Variants in WWOX observed in about 807,000 individuals in gnomAD.
The protein encoded by WWOX is WW domain containing oxidoreductase.
WWOX carries 69 observed loss-of-function variants against 46.2 expected under a neutral mutation model. That is an observed-to-expected ratio of 1.49 (90% confidence interval 1.23 to 1.82). The LOEUF is 1.82. Among genes scored for constraint, WWOX ranks in the 40% most tolerant of loss-of-function variants. The probability of loss-of-function intolerance (pLI) is 0.00; values close to 1 mark genes in which losing one functional copy is unlikely to be tolerated. For missense variants in WWOX, 919 were observed against 542.6 expected, an observed-to-expected ratio of 1.69 and a Z score of -6.89; for synonymous variants, 359 against 202.6, an observed-to-expected ratio of 1.77 and a Z score of -6.56.
intron 8 of WWOX, among the ~76,000 whole-genome samples, chr16:78,632,067 C>G (rs2046446117): frequency 6.6e-6 from 1 of 152,002 alleles, no homozygotes; most frequent in African/African-American, 2.4e-5. Flanking sequence ...TCCATGAAAT[C>G]CAGAAACTGG....
intron 6 of WWOX, among the ~76,000 whole-genome samples, chr16:78,395,309 C>A (rs555128406): frequency 6.6e-6 from 1 of 152,090 alleles, no homozygotes; most frequent in East Asian, 1.9e-4. Context: ...GCTTGAGTTC[C>A]GGAGTTTGAG....
intron 5 of WWOX, among the ~76,000 whole-genome samples, chr16:78,256,554 G>C (rs2038137734): frequency 6.6e-6 from 1 of 151,528 alleles, no homozygotes; most frequent in African/African-American, 2.4e-5. Context: ...ACCCTCTCCT[G>C]GCCTCAATTA....
chr16:78,278,127 G>A (rs915774876), intron 5 of WWOX, among the ~76,000 whole-genome samples: 5 of 152,144 alleles, frequency 3.3e-5, no homozygotes, highest in African/African-American at 1.2e-4. Context: ...CTCATTGGCG[G>A]TTTGCTGGTA....
rs550685961 is a variant in WWOX at position 78,853,763 on chromosome 16, C to T, written c.1057-357845C>T. On this transcript the variant is annotated intron_variant, in intron 8 of 8. Transcript: ENST00000566780. ...CCAGCTTGTAAGCATGTATCTACATCCCAGGGAGGTTTTCACTGAACCAAG... is the reference window on the plus strand; with the variant it reads ...CCAGCTTGTAAGCATGTATCTACATTCCAGGGAGGTTTTCACTGAACCAAG... 5.3e-5 allele frequency among the ~76,000 whole-genome samples: 8 copies of T among 152,174 alleles called. No individual in the cohort carries two copies. In the South Asian group the frequency reaches 1.2e-3, roughly 24 times the overall value.
chr16:78,573,386 T>TTAGCCATTTTGA (rs1201778872), intron 8 of WWOX, among the ~76,000 whole-genome samples: 4 of 152,242 alleles, frequency 2.6e-5, no homozygotes, highest in Non-Finnish European at 5.9e-5. Context: ...TTTTTTCTTC[T>TTAGCCATTTTGA]TAGCCATTTT....
intron 5 of WWOX, among the ~76,000 whole-genome samples, chr16:78,294,636 T>G (rs1170981356): frequency 1.4e-5 from 2 of 143,834 alleles, no homozygotes; most frequent in East Asian, 4.5e-4. Context: ...AAGGATAGTC[T>G]AAATACAGCT....
intron 8 of WWOX, among the ~76,000 whole-genome samples, chr16:79,177,281 A>G (rs1234744625): frequency 1.3e-5 from 2 of 152,062 alleles, no homozygotes; most frequent in Non-Finnish European, 2.9e-5. Context: ...TTTCTACACC[A>G]TTTATTCCTC....
At chr16:78,646,658 C>T (rs1434308884) in intron 8 of WWOX, among the ~76,000 whole-genome samples, 2 of 152,190 alleles carry the variant, frequency 1.3e-5, no homozygotes, top group African/African-American at 2.4e-5. Flanking sequence ...AAACTCCTGA[C>T]CTCAGGTGAT....
At chr16:78,132,992 G>A (rs183964335) in intron 4 of WWOX, among the ~76,000 whole-genome samples, 129 of 152,166 alleles carry the variant, frequency 8.5e-4, no homozygotes, top group African/African-American at 2.8e-3. Flanking sequence ...CAGGGAAAGC[G>A]GTCATGTTTC....
At chr16:79,024,385 A>G (rs999538728) in intron 8 of WWOX, among the ~76,000 whole-genome samples, 15 of 152,120 alleles carry the variant, frequency 9.9e-5, no homozygotes, top group Admixed American at 4.6e-4. Context: ...TAGCCTCCTC[A>G]GTAGCTGAGA....
intron 8 of WWOX, among the ~76,000 whole-genome samples, chr16:78,485,432 A>G (rs2084608371): frequency 6.6e-6 from 1 of 152,164 alleles, no homozygotes; most frequent in African/African-American, 2.4e-5. Flanking sequence ...TTCCCCCTCA[A>G]CTTCCATAGG....
At chr16:78,953,839 A>G (rs967816171) in intron 8 of WWOX, among the ~76,000 whole-genome samples, 2 of 151,272 alleles carry the variant, frequency 1.3e-5, no homozygotes, top group African/African-American at 4.9e-5. Context: ...GCCACTCTCC[A>G]CTCTCCTGTA....
intron 8 of WWOX, among the ~76,000 whole-genome samples, chr16:78,459,356 T>A (rs2083898761): frequency 6.6e-6 from 1 of 152,240 alleles, no homozygotes; most frequent in South Asian, 2.1e-4. Flanking sequence ...AAATGCCCTT[T>A]TCTTGCATAA....
intron 8 of WWOX, among the ~76,000 whole-genome samples, chr16:78,782,471 T>A (rs772880420): frequency 3.3e-5 from 5 of 152,174 alleles, no homozygotes; most frequent in African/African-American, 4.8e-5. Flanking sequence ...CCAACGATTC[T>A]AAATACTCTC....
At chr16:78,675,536 T>C (rs538539187) in intron 8 of WWOX, among the ~76,000 whole-genome samples, 16 of 152,324 alleles carry the variant, frequency 1.1e-4, no homozygotes, top group African/African-American at 3.1e-4. Flanking sequence ...TTCACAAATA[T>C]TTATTTTGAG....
chr16:78,321,306 A>ATATATATGCGTATATATATACACG (rs2080465814), intron 5 of WWOX, among the ~76,000 whole-genome samples: 1 of 74,214 alleles, frequency 1.3e-5, no homozygotes, highest in Non-Finnish European at 2.9e-5. Context: ...ATATATACGT[A>ATATATATGCGTATATATATACACG]TATATATGCG....
intron 8 of WWOX, among the ~76,000 whole-genome samples, chr16:78,650,023 G>C (rs2046931384): frequency 6.6e-6 from 1 of 152,090 alleles, no homozygotes; most frequent in Non-Finnish European, 1.5e-5. Context: ...AGTATTATTT[G>C]TATATTGGAA....
chr16:78,254,502 GTT>G (rs59706959), intron 5 of WWOX, among the ~76,000 whole-genome samples: 2 of 91,648 alleles, frequency 2.2e-5, no homozygotes, highest in African/African-American at 1.0e-4. Context: ...TTTCTTTCTT[GTT>G]TTTTTTTTTT....
chr16:78,104,303 C>G (rs2031999837), intron 1 of WWOX, among the ~76,000 whole-genome samples: 1 of 150,652 alleles, frequency 6.6e-6, no homozygotes, highest in Non-Finnish European at 1.5e-5. Flanking sequence ...CTAGATCTCC[C>G]TGCTAACTTA....
Sources: gnomAD v4.1 joint callset for allele counts (sites outside exome capture counted in the v4.1 genomes callset) on GRCh38, gnomAD v4.1.1 for gene constraint, MANE v1.5 for transcripts, NCBI Gene and HGNC (gene_info 2026-07-23, HGNC 2026-07-21) for gene names.